Variants in NPAS4 observed in about 807,000 individuals in gnomAD.
The protein encoded by NPAS4 is neuronal PAS domain protein 4, also known as neuronal PAS domain-containing protein 4.
NPAS4 carries 10 observed loss-of-function variants against 64.0 expected under a neutral mutation model. The observed-to-expected ratio is 0.16, with a 90% CI of 0.10 to 0.26. NPAS4 has a LOEUF of 0.26. Among genes scored for constraint, NPAS4 ranks in the 10% least tolerant of loss-of-function variants. The probability of loss-of-function intolerance (pLI) is 1.00; values close to 1 mark genes in which losing one functional copy is unlikely to be tolerated. For missense variants in NPAS4, 886 were observed against 992.6 expected (o/e 0.89, Z 1.44); for synonymous variants, 441 against 411.7 (o/e 1.07, Z -0.86).
At chr11:66,420,121 A>G, upstream of NPAS4, among the ~76,000 whole-genome samples, 1 of 152,168 alleles carries the variant, frequency 6.6e-6, no homozygotes, top group East Asian at 1.9e-4. Context: ...GGCGGGGGGA[A>G]GCGCTCGCTT....
chr11:66,421,227 C>T lies in NPAS4; in HGVS notation c.48C>T (p.Ile16=), dbSNP rs758353219. 37 of 1,613,500 alleles carry T rather than the reference C, an allele frequency of 2.3e-5. No homozygotes were observed. In the East Asian group the frequency reaches 8.2e-4, roughly 36 times the overall value. ...KGASKARRDQ[I]NAEIRNLKEL... Reference sequence around the variant, plus strand: ...CCTCCAAGGCGCGCCGGGACCAGATCAACGCCGAGATCCGGAACCTCAAGG... The same window carrying T: ...CCTCCAAGGCGCGCCGGGACCAGATTAACGCCGAGATCCGGAACCTCAAGG... Residue 16 remains isoleucine (I), a synonymous_variant, in exon 1 of 8, where the codon ATC becomes ATT. Coordinates refer to ENST00000311034, the MANE Select transcript of NPAS4 (RefSeq NM_178864.4).
intron 1 of NPAS4, among the ~76,000 whole-genome samples, chr11:66,421,802 T>C (rs139996982): frequency 1.3e-5 from 2 of 152,316 alleles, no homozygotes; most frequent in Non-Finnish European, 2.9e-5. Flanking sequence ...GCTCTGTCCA[T>C]GGTTCTGAAC....
Position 66,424,066 on chromosome 11 carries a change from A to G in NPAS4, c.1176A>G (p.Arg392=), listed in dbSNP as rs1281194079. Residue 392 remains arginine, a synonymous_variant, in exon 7 of 8, where the codon CGA becomes CGG. Coordinates refer to ENST00000311034, the MANE Select transcript of NPAS4 (RefSeq NM_178864.4). ...TCTCTGCATCAGAAGAGCTTCCCCG[A>G]CCCTCCAAAGAACTGGACTTCAGTT... The part of the protein sequence containing the change: ...SVVSASEELP[R]PSKELDFSYL... 1 of 1,613,780 alleles carries G rather than the reference A, an allele frequency of 6.2e-7. No homozygotes were observed. Among genetic ancestry groups the G allele is most frequent in the Non-Finnish European group, 8.5e-7 (1 of 1,179,944 alleles).
the NPAS4 span, among the ~76,000 whole-genome samples, chr11:66,415,905 T>C: frequency 1.3e-5 from 2 of 152,180 alleles, no homozygotes; most frequent in African/African-American, 2.4e-5. Flanking sequence ...GGAGGATTGC[T>C]TGAGGTCAGG....
At chr11:66,411,796 C>T in the NPAS4 span, among the ~76,000 whole-genome samples, 2 of 152,240 alleles carry the variant, frequency 1.3e-5, no homozygotes, top group East Asian at 1.9e-4. Context: ...CTCTTTGTTG[C>T]CCCTCGGCCC....
At chr11:66,410,870 G>T in the NPAS4 span, 2 of 152,398 alleles carry the variant, frequency 1.3e-5, no homozygotes, top group Admixed American at 1.3e-4. Context: ...AAGCTAAGAA[G>T]TGCTGGAGAC....
chr11:66,424,141 C>T lies in NPAS4; in HGVS notation c.1251C>T (p.Ser417=). ...AGCCTTCTCTCCAAGCAGAACTAAG[C>T]AAGGATCTTGTGTGCACTCCACCTT... ...GPEPSLQAEL[S]KDLVCTPPYT... Residue 417 remains serine, a synonymous_variant, in exon 7 of 8, where the codon AGC becomes AGT. Coordinates refer to ENST00000311034, the MANE Select transcript of NPAS4 (RefSeq NM_178864.4). 1 of 1,614,066 alleles carries T rather than the reference C, an allele frequency of 6.2e-7. No individual in the cohort carries two copies. Among genetic ancestry groups the T allele is most frequent in the Non-Finnish European group, 8.5e-7 (1 of 1,180,004 alleles).
At position 66,424,876 on chromosome 11, in the gene NPAS4, T is replaced by G. The variant is rs747290338; in HGVS notation, c.1986T>G (p.Leu662=). 1.9e-6 allele frequency: 3 copies of G among 1,613,008 alleles called. No homozygotes were observed. The highest frequency in any genetic ancestry group is 2.5e-6 in the Non-Finnish European group (3 of 1,179,690). ...AEAGTGGLEP[L]GGLEPLDSNL... ...CTGGCACTGGCGGACTAGAGCCACT[T>G]GGAGGACTGGAGCCCCTGGACTCCA... Residue 662 remains leucine, a synonymous_variant, in exon 7 of 8, where the codon CTT becomes CTG. Transcript: ENST00000311034.
chr11:66,415,607 AT>A, the NPAS4 span, among the ~76,000 whole-genome samples: 3 of 152,248 alleles, frequency 2.0e-5, no homozygotes, highest in Non-Finnish European at 4.4e-5. Context: ...CTGTGTTCCA[AT>A]AAAACTTTAT....
intron 6 of NPAS4, 39 bp from the exon 7 acceptor site, chr11:66,423,796 C>T (rs771238016): frequency 1.6e-5 from 26 of 1,600,994 alleles, no homozygotes; most frequent in Non-Finnish European, 1.4e-5. Context: ...TGGATATGGA[C>T]GTCGGACCCT....
chr11:66,421,205 C>T lies in NPAS4; in HGVS notation c.26C>T (p.Ser9Phe), dbSNP rs1856735987. The part of the protein sequence containing the change: MYRSTKGA[S>F]KARRDQINAE... The stretch of plus-strand genomic sequence containing the variant: ...ATGTACCGCTCCACCAAGGGCGCCT[C>T]CAAGGCGCGCCGGGACCAGATCAAC... The change falls in exon 1 of 8, where the codon TCC becomes TTC. Residue 9 changes from serine to phenylalanine, a missense_variant. Coordinates refer to ENST00000311034, the MANE Select transcript of NPAS4 (RefSeq NM_178864.4). 6.2e-7 allele frequency: 1 copy of T among 1,612,120 alleles called. No homozygotes were observed.
intron 7 of NPAS4, among the ~76,000 whole-genome samples, chr11:66,425,476 G>C (rs1346092607): frequency 6.6e-6 from 1 of 152,074 alleles, no homozygotes; most frequent in Non-Finnish European, 1.5e-5. Flanking sequence ...AGGGGTTGGG[G>C]CTGTGGGATA....
At chr11:66,415,191 G>C in the NPAS4 span, among the ~76,000 whole-genome samples, 1 of 152,204 alleles carries the variant, frequency 6.6e-6, no homozygotes, top group African/African-American at 2.4e-5. Context: ...GCAGGAAGTG[G>C]AGCATCATCC....
chr11:66,424,671 T>C lies in NPAS4; in HGVS notation c.1781T>C (p.Leu594Pro), dbSNP rs1363637461. ...GDCTLLALAQ[L>P]RGPLSVDVPL... ...TGCACGCTCTTGGCCCTAGCCCAGC[T>C]CCGGGGCCCCCTCTCTGTGGATGTC... Residue 594 changes from leucine (L) to proline (P), a missense_variant, in exon 7 of 8, where the codon CTC becomes CCC. Physicochemically the swap from Leu to Pro is moderately conservative, Grantham distance 98 (BLOSUM62 -3). Transcript: ENST00000311034. The C allele has an allele frequency of 6.2e-7, 1 of 1,613,426 alleles. No individual in the cohort carries two copies. The highest frequency in any genetic ancestry group is 1.3e-5 in the African/African-American group (1 of 74,924).
rs3215144 is a variant in NPAS4, at chr11:66,426,129, T to TG, written c.*150dup. 6.3e-3 allele frequency: 2,014 copies of TG among 321,128 alleles called. 2 individuals carry two copies. The highest frequency in any genetic ancestry group is 0.023 in the South Asian group (857 of 37,450). 19.9% of individuals were successfully genotyped at this position (321,128 alleles called of 1,614,324 possible). On this transcript the variant is annotated 3_prime_UTR_variant, in exon 8 of 8. Transcript: ENST00000311034. ...TGATTCCCCAGGCCCTGCAGGATTT[T>TG]GGGGGGGGGGAGGTGGGAGGGCAAG... is the stretch of plus-strand genomic sequence containing the variant.
chr11:66,423,959 T>C lies in NPAS4; in HGVS notation c.1069T>C (p.Ser357Pro), dbSNP rs1436860497. Residue 357 changes from serine to proline, a missense_variant, in exon 7 of 8, where the codon TCC becomes CCC. Coordinates refer to ENST00000311034, the MANE Select transcript of NPAS4 (RefSeq NM_178864.4). ...AAACATTCTTTCCCAGGAAGAGTGC[T>C]CCAGCACTAACCCACTCTTCACCGC... ...PENILSQEEC[S>P]STNPLFTAAL... 1 of 1,614,004 alleles carries C rather than the reference T, an allele frequency of 6.2e-7. No homozygotes were observed. The highest frequency in any genetic ancestry group is 1.1e-5 in the South Asian group (1 of 91,074).
chr11:66,422,084 C>G, intron 1 of NPAS4, 36 bp from the exon 2 acceptor site: 3 of 1,602,108 alleles, frequency 1.9e-6, no homozygotes, highest in Non-Finnish European at 2.6e-6. Flanking sequence ...GCCTCCCAGT[C>G]TTACTCCTGA....
rs1360862054 is a variant in NPAS4 at position 66,421,151 on chromosome 11, C to T, written c.-29C>T. 2 of 1,566,468 alleles carry T rather than the reference C, an allele frequency of 1.3e-6. No individual in the cohort carries two copies. Among genetic ancestry groups the T allele is most frequent in the Non-Finnish European group, 1.7e-6 (2 of 1,154,826 alleles). On this transcript the variant is annotated 5_prime_UTR_variant, in exon 1 of 8. Transcript: ENST00000311034. ...GGACGGGAGCGCAGGTGCTCGGGCA[C>T]CCGAGCTGGAGCTCCGCAGCCGCCG...
the NPAS4 span, among the ~76,000 whole-genome samples, chr11:66,415,207 G>T: frequency 1.3e-5 from 2 of 152,188 alleles, no homozygotes; most frequent in African/African-American, 4.8e-5. Flanking sequence ...CATCCTGCAT[G>T]GGGAGGGTAC....
Sources: allele counts gnomAD v4.1 joint callset (sites outside exome capture counted in the v4.1 genomes callset), GRCh38; gene constraint gnomAD v4.1.1; transcripts MANE v1.5; gene names NCBI Gene and HGNC (gene_info 2026-07-23, HGNC 2026-07-21).